The following LEKR1 variants were observed in gnomAD, a reference collection of about 807,000 sequenced individuals.
LEKR1 encodes the protein leucine, glutamate and lysine rich 1.
Under a neutral mutation model 72.4 loss-of-function variants are expected in LEKR1, and 59 were observed. The observed-to-expected ratio is 0.82, with a 90% CI of 0.66 to 1.01. The LOEUF is 1.01. Among genes scored for constraint, LEKR1 ranks in the 50% least tolerant of loss-of-function variants. The probability of loss-of-function intolerance (pLI) is 0.00; values close to 1 mark genes in which losing one functional copy is unlikely to be tolerated. For synonymous variants in LEKR1, 257 were observed against 263.2 expected, an observed-to-expected ratio of 0.98 and a Z score of 0.23; for missense variants, 728 against 759.2, an observed-to-expected ratio of 0.96 and a Z score of 0.48.
intron 6 of LEKR1, among the ~76,000 whole-genome samples, chr3:156,968,399 C>T (rs1728829661): frequency 6.6e-6 from 1 of 152,150 alleles, no homozygotes; most frequent in Non-Finnish European, 1.5e-5. Flanking sequence ...TGCAGAGACA[C>T]ACATAGGCTC....
intron 6 of LEKR1, among the ~76,000 whole-genome samples, chr3:156,956,155 G>A (rs1727615441): frequency 6.6e-6 from 1 of 151,856 alleles, no homozygotes; most frequent in Non-Finnish European, 1.5e-5. Flanking sequence ...AGTAAAGGGA[G>A]GCTGCTAGAT....
intron 6 of LEKR1, among the ~76,000 whole-genome samples, chr3:156,961,733 GTA>G (rs1211889639): frequency 1.3e-5 from 2 of 152,130 alleles, no homozygotes; most frequent in Admixed American, 1.3e-4. Flanking sequence ...TTTAGGCCTT[GTA>G]TAGGCCCTTT....
intron 3 of LEKR1, among the ~76,000 whole-genome samples, chr3:156,857,499 T>C (rs1258269201): frequency 6.6e-6 from 1 of 152,168 alleles, no homozygotes; most frequent in East Asian, 1.9e-4. Context: ...CTTTTATCTT[T>C]GGATAAAAGC....
intron 12 of LEKR1, among the ~76,000 whole-genome samples, chr3:157,042,998 A>G (rs1560166620): frequency 6.6e-6 from 1 of 152,244 alleles, no homozygotes; most frequent in East Asian, 1.9e-4. Context: ...GCAGTTTCTC[A>G]TGAATGGTTT....
intron 10 of LEKR1, among the ~76,000 whole-genome samples, chr3:157,024,445 A>G (rs551260815): frequency 2.0e-5 from 3 of 152,282 alleles, no homozygotes; most frequent in African/African-American, 7.2e-5. Flanking sequence ...CAATTTTCTG[A>G]GTTGCTGGCA....
At chr3:156,923,648 C>G (rs1339546441) in intron 4 of LEKR1, among the ~76,000 whole-genome samples, 26 of 151,924 alleles carry the variant, frequency 1.7e-4, no homozygotes, top group Non-Finnish European at 1.5e-5. Context: ...ATATACAAGT[C>G]TTTGTGTGGA....
intron 10 of LEKR1, among the ~76,000 whole-genome samples, chr3:157,011,757 A>AT (rs938182987): frequency 2.0e-5 from 3 of 151,962 alleles, no homozygotes; most frequent in East Asian, 1.9e-4. Context: ...ATGAAAAAGC[A>AT]TTTTTTTTGC....
At chr3:156,955,790 T>C (rs1727569223) in intron 6 of LEKR1, among the ~76,000 whole-genome samples, 1 of 151,978 alleles carries the variant, frequency 6.6e-6, no homozygotes, top group Admixed American at 6.6e-5. Flanking sequence ...ATCAGGGATA[T>C]ATTGGCCTGA....
chr3:156,955,006 T>G (rs565848705), intron 6 of LEKR1, among the ~76,000 whole-genome samples: 2 of 152,080 alleles, frequency 1.3e-5, no homozygotes, highest in Non-Finnish European at 2.9e-5. Context: ...TGTTTTTCCA[T>G]TTGTTTGTGT....
intron 6 of LEKR1, among the ~76,000 whole-genome samples, chr3:156,949,757 C>T (rs1726989860): frequency 6.6e-6 from 1 of 151,258 alleles, no homozygotes; most frequent in South Asian, 2.1e-4. Context: ...ACATACTCAG[C>T]ATAAAGAAAA....
chr3:157,003,859 C>T (rs986086783), intron 9 of LEKR1, among the ~76,000 whole-genome samples: 3 of 150,532 alleles, frequency 2.0e-5, no homozygotes, highest in African/African-American at 7.4e-5. Context: ...AATAAGCCAA[C>T]AAAAGAGATA....
At chr3:156,826,980 TAGAG>T (rs1013611995) in intron 1 of LEKR1, 19 of 155,112 alleles carry the variant, frequency 1.2e-4, no homozygotes, top group Non-Finnish European at 2.2e-4. Flanking sequence ...GTGATCTTGT[TAGAG>T]AGGAGGTTCA....
At chr3:156,904,417 G>GTT (rs201230976) in intron 3 of LEKR1, among the ~76,000 whole-genome samples, 39 of 139,104 alleles carry the variant, frequency 2.8e-4, no homozygotes, top group African/African-American at 7.5e-4. Flanking sequence ...ACAGAATCAT[G>GTT]TTTTTTTTTT....
Position 156,888,203 on chromosome 3 carries a change from C to T in LEKR1, c.264-32372C>T, listed in dbSNP as rs8179962. ...GGAGAGGATTGGGTTAGGGAACAGA[C>T]AAAAAAGTAAAGTAAAGCAGTTGGT... On this transcript the variant is annotated intron_variant, in intron 3 of 12. Coordinates refer to ENST00000356539, the MANE Select transcript of LEKR1 (RefSeq NM_001004316.3). The T allele has an allele frequency of 4.5e-6, 3 of 664,154 alleles. No individual in the cohort carries two copies. In the East Asian group the frequency reaches 8.2e-5, roughly 18 times the overall value. The allele number at this position is 664,154 out of a possible 1,614,324, so 41.1% of individuals were successfully genotyped here.
chr3:156,899,613 CACATATAT>C (rs1721735724), intron 3 of LEKR1, among the ~76,000 whole-genome samples: 1 of 110,430 alleles, frequency 9.1e-6, no homozygotes. Context: ...TATATATACA[CACATATAT>C]ACACATATAT....
chr3:156,833,348 A>C (rs1712685808), intron 2 of LEKR1, among the ~76,000 whole-genome samples: 1 of 152,208 alleles, frequency 6.6e-6, no homozygotes, highest in South Asian at 2.1e-4. Context: ...ATAGCTGATT[A>C]TAAAATCACC....
intron 10 of LEKR1, among the ~76,000 whole-genome samples, chr3:157,015,215 T>C (rs1733213904): frequency 6.6e-6 from 1 of 152,118 alleles, no homozygotes. Context: ...TCCTGGGAGA[T>C]CATGGTGGCT....
intron 10 of LEKR1, among the ~76,000 whole-genome samples, chr3:157,022,140 T>G (rs1228019399): frequency 6.6e-6 from 1 of 152,158 alleles, no homozygotes; most frequent in African/African-American, 2.4e-5. Context: ...TAGCCTGTAC[T>G]CTGCTCATCA....
At chr3:156,968,032 A>G (rs1472174810) in intron 6 of LEKR1, among the ~76,000 whole-genome samples, 1 of 152,216 alleles carries the variant, frequency 6.6e-6, no homozygotes, top group East Asian at 1.9e-4. Context: ...ACTAAGCTTC[A>G]TAAGTGAAGG....
Sources: allele counts gnomAD v4.1 joint callset (sites outside exome capture counted in the v4.1 genomes callset), GRCh38; gene constraint gnomAD v4.1.1; transcripts MANE v1.5; gene names NCBI Gene and HGNC (gene_info 2026-07-23, HGNC 2026-07-21).